Variants in CAMTA1 observed in about 807,000 individuals in gnomAD.
CAMTA1 encodes calmodulin binding transcription activator 1.
Under a neutral mutation model 170.9 loss-of-function variants are expected in CAMTA1, and 27 were observed. That is an observed-to-expected ratio of 0.16 (90% CI 0.12 to 0.22). The LOEUF (loss-of-function observed/expected upper bound fraction) is 0.22, where lower values mean the gene tolerates loss of function less well. CAMTA1 is among the 10% of genes least tolerant of loss of function. The probability of loss-of-function intolerance (pLI) is 1.00; values close to 1 mark genes in which losing one functional copy is unlikely to be tolerated. For missense variants in CAMTA1, 1,619 were observed against 2,217.2 expected, an observed-to-expected ratio of 0.73 and a Z score of 5.42; for synonymous variants, 833 against 891.5, an observed-to-expected ratio of 0.93 and a Z score of 1.17.
At chr1:6,860,837 G>A (rs1008774497) in intron 3 of CAMTA1, among the ~76,000 whole-genome samples, 5 of 151,910 alleles carry the variant, frequency 3.3e-5, no homozygotes, top group South Asian at 2.1e-4. Flanking sequence ...GCTTGAACCC[G>A]GGAGGCAGAA....
chr1:7,209,775 A>G (rs1658426740), intron 4 of CAMTA1, among the ~76,000 whole-genome samples: 1 of 152,248 alleles, frequency 6.6e-6, no homozygotes, highest in Admixed American at 6.5e-5. Flanking sequence ...TTGGACCAGG[A>G]AAGAATAGAG....
At chr1:7,745,758 G>T in intron 17 of CAMTA1, 87 bp from the exon 18 acceptor site, 3 of 1,539,604 alleles carry the variant, frequency 1.9e-6, no homozygotes, top group Non-Finnish European at 2.7e-6. Flanking sequence ...GCTTCTGGCA[G>T]ATACCATCTT....
chr1:7,040,761 C>T (rs901907114), intron 3 of CAMTA1, among the ~76,000 whole-genome samples: 2 of 150,640 alleles, frequency 1.3e-5, no homozygotes, highest in Middle Eastern at 3.4e-3. Context: ...TCTCACTCTG[C>T]GGTCCAGGCT....
Position 7,325,232 on chromosome 1 carries a change from A to T in CAMTA1, c.438+75606A>T, listed in dbSNP as rs1679109267. 6.6e-6 allele frequency among the ~76,000 whole-genome samples: 1 copy of T among 152,224 alleles called. No individual in the cohort carries two copies. Among genetic ancestry groups the T allele is most frequent in the Admixed American group, 6.5e-5 (1 of 15,294 alleles). The stretch of plus-strand genomic sequence containing the variant: ...GGGTGACAGATTCTAAACAATAAAC[A>T]TCCACGAGGAAATGATAGAAGATAT... On this transcript the variant is annotated intron_variant, in intron 5 of 22. Transcript: ENST00000303635. The surrounding 1 kb of genome is among the most constrained non-coding windows in gnomAD (Gnocchi z 5.0).
In CAMTA1 at chr1:7,585,044, A is replaced by G. The variant is rs569497267; in HGVS notation, c.511-55356A>G. Among the ~76,000 whole-genome samples the G allele has an allele frequency of 7.2e-5, 11 of 152,344 alleles. No individual in the cohort carries two copies. In the South Asian group the frequency reaches 1.7e-3, roughly 23 times the overall value. ...GGATGTGGAGTAGCACCCCATAATC[A>G]GATGCATTAATATTTCTGCAGCAAA... On this transcript the variant is annotated intron_variant, in intron 6 of 22. Transcript: ENST00000303635. This position sits in a 1 kb window ranked among gnomAD's most constrained non-coding sequence, Gnocchi z 4.8.
intron 6 of CAMTA1, among the ~76,000 whole-genome samples, chr1:7,628,027 A>G (rs1329953171): frequency 6.6e-6 from 1 of 151,686 alleles, no homozygotes; most frequent in Non-Finnish European, 1.5e-5. Flanking sequence ...GCAACAAAAA[A>G]CTCGACTTGA....
chr1:7,338,895 G>A (rs140548976), intron 5 of CAMTA1, among the ~76,000 whole-genome samples: 2 of 152,358 alleles, frequency 1.3e-5, no homozygotes, highest in African/African-American at 2.4e-5. Flanking sequence ...TCCGCAGGCT[G>A]TACAGGAAGC....
At chr1:7,022,749 TGG>T (rs1196157461) in intron 3 of CAMTA1, among the ~76,000 whole-genome samples, 1 of 152,180 alleles carries the variant, frequency 6.6e-6, no homozygotes, top group South Asian at 2.1e-4. Flanking sequence ...TCCCTGAGTC[TGG>T]GGGAAGGAGG....
intron 11 of CAMTA1, chr1:7,700,832 A>G (rs1935228): frequency 0.89 from 135,554 of 152,302 alleles, 60,808 homozygotes; most frequent in East Asian, 1. Flanking sequence ...GATATTTGGT[A>G]TATAATATTA....
At chr1:7,480,459 C>A (rs959975063) in intron 6 of CAMTA1, among the ~76,000 whole-genome samples, 1 of 151,860 alleles carries the variant, frequency 6.6e-6, no homozygotes, top group Non-Finnish European at 1.5e-5. Flanking sequence ...CCTAGTTCCC[C>A]TCTCCTCCTC....
intron 3 of CAMTA1, among the ~76,000 whole-genome samples, chr1:7,019,488 A>G (rs1392002527): frequency 6.6e-6 from 1 of 152,218 alleles, no homozygotes; most frequent in Non-Finnish European, 1.5e-5. Flanking sequence ...GGGGTCACAA[A>G]GCTCTGAAAT....
At chr1:6,902,093 A>G (rs868506708) in intron 3 of CAMTA1, among the ~76,000 whole-genome samples, 2 of 151,700 alleles carry the variant, frequency 1.3e-5, no homozygotes, top group African/African-American at 4.8e-5. Context: ...ATAAAAATAA[A>G]AACTCGTACT....
At chr1:7,529,429 C>G (rs887192673) in intron 6 of CAMTA1, among the ~76,000 whole-genome samples, 1 of 152,136 alleles carries the variant, frequency 6.6e-6, no homozygotes, top group African/African-American at 2.4e-5. Context: ...TGACCCCGTG[C>G]GACAGTACCC....
rs77446462 is a variant in CAMTA1, at chr1:7,444,654, G to C, written c.439-23176G>C. The stretch of plus-strand genomic sequence containing the variant: ...AGAGGGTCATGGGGGCACCGAGCAA[G>C]AAGCATCCACTTCTGCCTGGAGGAA... On this transcript the variant is annotated intron_variant, in intron 5 of 22. Coordinates refer to ENST00000303635, the MANE Select transcript of CAMTA1 (RefSeq NM_015215.4). 7.9e-5 allele frequency among the ~76,000 whole-genome samples: 12 copies of C among 152,364 alleles called. No homozygotes were observed. The South Asian group carries it at 2.5e-3, about 32-fold the overall frequency.
At chr1:6,940,142 AC>A (rs1686187261) in intron 3 of CAMTA1, among the ~76,000 whole-genome samples, 1 of 152,254 alleles carries the variant, frequency 6.6e-6, no homozygotes, top group African/African-American at 2.4e-5. Context: ...CTCTAGAGAA[AC>A]AGGACCCCTA....
chr1:7,492,509 G>T (rs957114803), intron 6 of CAMTA1, among the ~76,000 whole-genome samples: 1 of 152,170 alleles, frequency 6.6e-6, no homozygotes, highest in Non-Finnish European at 1.5e-5. Context: ...ATGAAAGAGA[G>T]AGAGCTCATC....
At chr1:7,134,794 G>A (rs1645451800) in intron 4 of CAMTA1, among the ~76,000 whole-genome samples, 1 of 152,106 alleles carries the variant, frequency 6.6e-6, no homozygotes, top group Admixed American at 6.6e-5. Context: ...TAATGAGAAT[G>A]GTAGCTCTGT....
At chr1:6,881,468 T>G (rs934431192) in intron 3 of CAMTA1, among the ~76,000 whole-genome samples, 2 of 151,870 alleles carry the variant, frequency 1.3e-5, no homozygotes, top group African/African-American at 2.4e-5. Flanking sequence ...TAGACAGAGA[T>G]AGATTTGGCA....
chr1:7,708,666 T>G (rs2096545777), intron 11 of CAMTA1, among the ~76,000 whole-genome samples: 1 of 152,224 alleles, frequency 6.6e-6, no homozygotes, highest in African/African-American at 2.4e-5. Flanking sequence ...AAATAGAGCA[T>G]AGCTTTAGAC....
Sources: gnomAD v4.1 joint callset for allele counts (sites outside exome capture counted in the v4.1 genomes callset) on GRCh38, gnomAD v4.1.1 for gene constraint, Gnocchi (gnomAD v3.1) non-coding constraint, MANE v1.5 for transcripts, NCBI Gene and HGNC (gene_info 2026-07-23, HGNC 2026-07-21) for gene names.